Variants in RUNX1 observed in about 807,000 individuals in gnomAD.
RUNX1 encodes RUNX family transcription factor 1.
RUNX1 carries 19 observed loss-of-function variants against 42.8 expected under a neutral mutation model. The ratio of observed to expected loss-of-function variants is 0.44; its 90% CI spans 0.31 to 0.65. The LOEUF is 0.65. Ranked by LOEUF, RUNX1 falls within the 30% of genes least tolerant of loss-of-function variation. The pLI, the probability that RUNX1 is intolerant of heterozygous loss-of-function variation, is 0.07. For missense variants in RUNX1, 528 were observed against 672.0 expected (o/e 0.79, Z 2.37); for synonymous variants, 271 against 289.4 (o/e 0.94, Z 0.64).
Position 34,792,077 on chromosome 21 carries a change from G to T in RUNX1, c.*58C>A. 1.8e-6 allele frequency: 2 copies of T among 1,115,244 alleles called. No homozygotes were observed. Among genetic ancestry groups the T allele is most frequent in the Non-Finnish European group, 1.2e-6 (1 of 860,006 alleles). 69.1% of individuals were successfully genotyped at this position (1,115,244 alleles called of 1,614,324 possible). Reference sequence around the variant, plus strand: ...CGGGCTTGTCGCGAACAGGAGGCCCGCGCGCCCGGAGGCGAAGGCGGCGGC... The same window carrying T: ...CGGGCTTGTCGCGAACAGGAGGCCCTCGCGCCCGGAGGCGAAGGCGGCGGC... On this transcript the variant is annotated 3_prime_UTR_variant, in exon 9 of 9. Transcript: ENST00000675419. This position sits in a 1 kb window ranked among gnomAD's most constrained non-coding sequence, Gnocchi z 6.9.
chr21:35,000,977 C>A (rs1183533643), intron 2 of RUNX1, among the ~76,000 whole-genome samples: 1 of 152,190 alleles, frequency 6.6e-6, no homozygotes, highest in Non-Finnish European at 1.5e-5. Flanking sequence ...TCTTTCCCTC[C>A]AAATGTCTTC....
rs142771250 is a variant in RUNX1, at chr21:34,943,884, G to A, written c.59-50921C>T. On this transcript the variant is annotated intron_variant, in intron 2 of 8. Coordinates refer to ENST00000675419, the MANE Select transcript of RUNX1 (RefSeq NM_001754.5). ...GGTGAAAGTTACAGAGAGATTTGCC[G>A]ATATAGAGCATTTGCTTATATCACA... Among the ~76,000 whole-genome samples, 339 of 152,232 alleles carry A rather than the reference G, an allele frequency of 2.2e-3. 2 individuals carry two copies. Among genetic ancestry groups the A allele is most frequent in the African/African-American group, 7.9e-3 (328 of 41,526 alleles).
rs79501022 is a variant in RUNX1 at position 34,873,723 on chromosome 21, G to C, written c.508+6834C>G. On this transcript the variant is annotated intron_variant, in intron 5 of 8. Coordinates refer to ENST00000675419, the MANE Select transcript of RUNX1 (RefSeq NM_001754.5). ...ACATGCTGCCCAATATAGACTAACA[G>C]GGACTGGGCAATGTACTGGAATCCC... 4.0e-3 allele frequency among the ~76,000 whole-genome samples: 615 copies of C among 152,302 alleles called. 3 individuals are homozygous for C. Among genetic ancestry groups the C allele is most frequent in the African/African-American group, 0.013 (520 of 41,560 alleles).
chr21:34,835,848 G>A (rs1349215962), intron 6 of RUNX1, among the ~76,000 whole-genome samples: 2 of 152,214 alleles, frequency 1.3e-5, no homozygotes, highest in Admixed American at 6.5e-5. Context: ...AGGCCCCCTT[G>A]ATTCCACTCC....
At chr21:34,933,469 T>C (rs2032098) in intron 2 of RUNX1, among the ~76,000 whole-genome samples, 86,376 of 152,024 alleles carry the variant, frequency 0.57, 25,103 homozygotes, top group African/African-American at 0.7. Context: ...ATTTTATGAG[T>C]GGTGGGATGT....
intron 2 of RUNX1, among the ~76,000 whole-genome samples, chr21:34,943,177 A>T (rs1569116923): frequency 1.3e-5 from 2 of 152,156 alleles, no homozygotes; most frequent in Non-Finnish European, 2.9e-5. Flanking sequence ...AAAACAAACT[A>T]ATTTCATTCT....
In RUNX1 at chr21:34,977,565, G is replaced by A. The variant is rs141021464; in HGVS notation, c.58+71277C>T. Among the ~76,000 whole-genome samples, 656 of 152,302 alleles carry A rather than the reference G, an allele frequency of 4.3e-3. 8 individuals are homozygous for A. Among genetic ancestry groups the A allele is most frequent in the African/African-American group, 0.015 (635 of 41,556 alleles). On this transcript the variant is annotated intron_variant, in intron 2 of 8. Transcript: ENST00000675419. ...TTACTACCTGCTTTTGCGGAGAGAG[G>A]GGTAGGATTTCAATCCCAAAACATA...
chr21:34,890,600 G>A (rs1213433700), intron 3 of RUNX1, among the ~76,000 whole-genome samples: 1 of 152,218 alleles, frequency 6.6e-6, no homozygotes, highest in Admixed American at 6.5e-5. Context: ...CTCCGCCTCC[G>A]CTCCCCCTGG....
At chr21:34,858,300 T>C (rs938384544) in intron 6 of RUNX1, among the ~76,000 whole-genome samples, 2 of 152,080 alleles carry the variant, frequency 1.3e-5, no homozygotes, top group African/African-American at 2.4e-5. Context: ...GAAACCACCA[T>C]GCAGGGAAGG....
At chr21:35,030,012 C>T (rs1453350571) in intron 2 of RUNX1, among the ~76,000 whole-genome samples, 2 of 152,158 alleles carry the variant, frequency 1.3e-5, no homozygotes, top group Admixed American at 1.3e-4. Flanking sequence ...GCCAAATGAC[C>T]CCCTTCCTCC....
chr21:34,857,454 G>A lies in RUNX1; in HGVS notation c.613+2020C>T, dbSNP rs79789276. Among the ~76,000 whole-genome samples, 1,072 of 152,256 alleles carry A rather than the reference G, an allele frequency of 7.0e-3. 8 individuals carry two copies. Among genetic ancestry groups the A allele is most frequent in the African/African-American group, 0.024 (1,016 of 41,540 alleles). On this transcript the variant is annotated intron_variant, in intron 6 of 8. Coordinates refer to ENST00000675419, the MANE Select transcript of RUNX1 (RefSeq NM_001754.5). ...TTCTTTGAATGTTACAGGAAATGCT[G>A]GCAGTGAGGCAAAACCCAGCCTTCT...
intron 2 of RUNX1, among the ~76,000 whole-genome samples, chr21:34,937,712 A>C (rs1304797390): frequency 1.3e-5 from 2 of 151,464 alleles, no homozygotes; most frequent in East Asian, 3.9e-4. Context: ...AAAAAAAAAA[A>C]CCAGAAAGAA....
intron 4 of RUNX1, 95 bp from the exon 5 acceptor site, chr21:34,880,808 T>C: frequency 6.4e-6 from 8 of 1,247,560 alleles, no homozygotes; most frequent in East Asian, 4.8e-5. Flanking sequence ...ATTAAATGTA[T>C]ATTCAATGAT....
intron 6 of RUNX1, among the ~76,000 whole-genome samples, chr21:34,835,306 G>T (rs190194487): frequency 1.3e-5 from 2 of 152,226 alleles, no homozygotes; most frequent in African/African-American, 4.8e-5. Flanking sequence ...CCTGTGTCTT[G>T]TCCAATATTC....
intron 5 of RUNX1, among the ~76,000 whole-genome samples, chr21:34,878,376 T>TATATACAC (rs983839964): frequency 6.8e-6 from 1 of 147,910 alleles, no homozygotes. Context: ...TATATATATA[T>TATATACAC]ACACACACAC....
intron 4 of RUNX1, among the ~76,000 whole-genome samples, chr21:34,883,426 C>T (rs1461605603): frequency 6.6e-6 from 1 of 152,008 alleles, no homozygotes; most frequent in African/African-American, 2.4e-5. Context: ...ATACTTAAGC[C>T]AGGTTTAAAA....
At chr21:34,961,243 A>G (rs904865619) in intron 2 of RUNX1, among the ~76,000 whole-genome samples, 3 of 152,090 alleles carry the variant, frequency 2.0e-5, no homozygotes, top group African/African-American at 7.2e-5. Context: ...ACGTGGTGGC[A>G]TATGCCTGTA....
chr21:34,799,240 C>G lies in RUNX1; in HGVS notation c.967+61G>C, dbSNP rs986649588. On this transcript the variant is annotated intron_variant, in intron 8 of 8. Coordinates refer to ENST00000675419, the MANE Select transcript of RUNX1 (RefSeq NM_001754.5). ...GTTCTGCCAACTCCTTCATGCACCT[C>G]TAGTCTCCTGGACCTTCCACCCCAG... 2.5e-6 allele frequency: 4 copies of G among 1,572,832 alleles called. No homozygotes were observed. The African/African-American group carries it at 5.4e-5, about 21-fold the overall frequency.
At chr21:34,906,114 T>C (rs545619073) in intron 2 of RUNX1, among the ~76,000 whole-genome samples, 21 of 152,390 alleles carry the variant, frequency 1.4e-4, no homozygotes, top group African/African-American at 5.0e-4. Flanking sequence ...AATGTGGTAC[T>C]TTTCTATTTT....
Sources: allele counts gnomAD v4.1 joint callset (sites outside exome capture counted in the v4.1 genomes callset), GRCh38; gene constraint gnomAD v4.1.1; non-coding constraint Gnocchi (gnomAD v3.1); transcripts MANE v1.5; gene names NCBI Gene and HGNC (gene_info 2026-07-23, HGNC 2026-07-21).